The following ATF2 variants were observed in gnomAD, a reference collection of about 807,000 sequenced individuals.
ATF2 encodes cyclic AMP-dependent transcription factor ATF-2.
Under a neutral mutation model 60.6 loss-of-function variants are expected in ATF2, and 24 were observed. That is an observed-to-expected ratio of 0.40 (90% CI 0.29 to 0.56). The LOEUF (loss-of-function observed/expected upper bound fraction) is 0.56, where lower values mean the gene tolerates loss of function less well. Ranked by LOEUF, ATF2 falls within the 20% of genes least tolerant of loss-of-function variation. The pLI is 0.54. For synonymous variants in ATF2, 206 were observed against 215.4 expected (o/e 0.96, Z 0.38); for missense variants, 433 against 607.7 (o/e 0.71, Z 3.02).
chr2:175,078,407 A>G (rs1002628740), intron 13 of ATF2, among the ~76,000 whole-genome samples: 3 of 152,222 alleles, frequency 2.0e-5, no homozygotes, highest in African/African-American at 7.2e-5. Flanking sequence ...ATTCATGGCA[A>G]TAAGATCACT....
chr2:175,083,386 A>C (rs1357090632), intron 12 of ATF2, among the ~76,000 whole-genome samples: 2 of 152,212 alleles, frequency 1.3e-5, no homozygotes, highest in Non-Finnish European at 1.5e-5. Context: ...GAGAAAAACA[A>C]GCAATGGGGA....
chr2:175,135,104 G>T (rs944043239), intron 3 of ATF2, among the ~76,000 whole-genome samples: 52 of 151,776 alleles, frequency 3.4e-4, no homozygotes, highest in African/African-American at 1.3e-3. Context: ...GCATGGAGAA[G>T]GGGGAGGAGG....
At position 175,118,301 on chromosome 2, in the gene ATF2, T is replaced by C; in HGVS notation, c.268A>G (p.Ser90Gly). The change falls in exon 6 of 14, where the codon AGT becomes GGT. Residue 90 changes from serine (S) to glycine (G), a missense_variant. Coordinates refer to ENST00000264110, the MANE Select transcript of ATF2 (RefSeq NM_001880.4). ...TTCTTGAATTCATTCTCAAATGGAC[T>C]CGCCAACTCATTAAACAAACCCACT... is the stretch of plus-strand genomic sequence containing the variant. Reference protein sequence around the residue: ...EEVGLFNELASPFENEFKKAS... With the variant: ...EEVGLFNELAGPFENEFKKAS... The C allele has an allele frequency of 6.2e-7, 1 of 1,611,166 alleles. No individual in the cohort carries two copies. The highest frequency in any genetic ancestry group is 8.5e-7 in the Non-Finnish European group (1 of 1,178,490).
intron 11 of ATF2, among the ~76,000 whole-genome samples, chr2:175,096,278 T>C (rs1024452646): frequency 2.0e-5 from 3 of 152,182 alleles, no homozygotes; most frequent in Non-Finnish European, 4.4e-5. Flanking sequence ...AATCATCTCA[T>C]AGGCAGTCAC....
At chr2:175,130,230 TTAGAG>T in intron 3 of ATF2, 23 bp from the exon 4 acceptor site, 1 of 1,392,986 alleles carries the variant, frequency 7.2e-7, no homozygotes, top group Non-Finnish European at 9.7e-7. Flanking sequence ...AGAAGACACT[TTAGAG>T]TACATATTTT....
Position 175,076,162 on chromosome 2 carries a change from AT to A in ATF2, c.1292-1328del, listed in dbSNP as rs1213154521. 2.0e-5 allele frequency among the ~76,000 whole-genome samples: 3 copies of A among 152,158 alleles called. No homozygotes were observed. In the South Asian group the frequency reaches 6.2e-4, roughly 32 times the overall value. On this transcript the variant is annotated intron_variant, in intron 13 of 13. Transcript: ENST00000264110. Reference sequence around the variant, plus strand: ...AACTTTAGCTAAAATAAAATTATTAATTTTGTGCATTTTCTGAAATATAGTT... The same window carrying A: ...AACTTTAGCTAAAATAAAATTATTAATTTGTGCATTTTCTGAAATATAGTT...
At chr2:175,155,482 G>A (rs377118958) in intron 1 of ATF2, among the ~76,000 whole-genome samples, 1 of 152,190 alleles carries the variant, frequency 6.6e-6, no homozygotes, top group East Asian at 1.9e-4. Flanking sequence ...TGTATAGTGT[G>A]ATGACAGAAA....
chr2:175,159,618 A>C (rs935691314), intron 1 of ATF2, among the ~76,000 whole-genome samples: 1 of 152,248 alleles, frequency 6.6e-6, no homozygotes. Flanking sequence ...TATTATGAGT[A>C]TGTGAAGAGT....
In ATF2 at chr2:175,073,815, A is replaced by G. The variant is rs1333018931; in HGVS notation, c.*794T>C. On this transcript the variant is annotated 3_prime_UTR_variant, in exon 14 of 14. Coordinates refer to ENST00000264110, the MANE Select transcript of ATF2 (RefSeq NM_001880.4). ...AAGAGCTAATTTCAAAAATTATTAG[A>G]TATTTGATAACCCTGTATCATACAT... 2.0e-5 allele frequency: 3 copies of G among 152,164 alleles called. No individual in the cohort carries two copies. The highest frequency in any genetic ancestry group is 2.9e-5 in the Non-Finnish European group (2 of 68,030). 9.4% of individuals were successfully genotyped at this position (152,164 alleles called of 1,614,324 possible).
intron 12 of ATF2, among the ~76,000 whole-genome samples, chr2:175,081,878 C>T (rs763313954): frequency 3.9e-5 from 6 of 152,142 alleles, no homozygotes; most frequent in Non-Finnish European, 8.8e-5. Context: ...TGGTGAAACC[C>T]TGTCTCTACA....
intron 2 of ATF2, among the ~76,000 whole-genome samples, chr2:175,138,025 G>T (rs1259294595): frequency 6.6e-6 from 1 of 152,160 alleles, no homozygotes; most frequent in African/African-American, 2.4e-5. Flanking sequence ...AGCCTGGAAG[G>T]GAGGTTTTGC....
intron 7 of ATF2, among the ~76,000 whole-genome samples, chr2:175,116,308 C>A (rs993425343): frequency 2.0e-5 from 3 of 151,546 alleles, no homozygotes; most frequent in Non-Finnish European, 4.4e-5. Context: ...AGATTCAGGT[C>A]TGATAAAATA....
intron 10 of ATF2, among the ~76,000 whole-genome samples, chr2:175,103,768 G>C (rs942110786): frequency 6.6e-6 from 1 of 150,980 alleles, no homozygotes; most frequent in African/African-American, 2.4e-5. Flanking sequence ...TTCTTATTCA[G>C]AAGAGCTGCT....
Position 175,114,702 on chromosome 2 carries a change from T to A in ATF2, c.614A>T (p.Asn205Ile), listed in dbSNP as rs750958087. 4.3e-6 allele frequency: 7 copies of A among 1,613,600 alleles called. No individual in the cohort carries two copies. Among genetic ancestry groups the A allele is most frequent in the Non-Finnish European group, 5.9e-6 (7 of 1,179,632 alleles). ...CTGAATCACTTACACAATTGGCCTG[T>A]TAGAGGATGGTGCCTGGGTGATTAC... is the stretch of plus-strand genomic sequence containing the variant. ...STVITQAPSS[N>I]RPIVPVPGPF... Residue 205 changes from asparagine (N) to isoleucine (I), a missense_variant, in exon 8 of 14, where the codon AAC becomes ATC. Transcript: ENST00000264110.
chr2:175,161,806 G>A (rs1289135893), intron 1 of ATF2, among the ~76,000 whole-genome samples: 1 of 150,640 alleles, frequency 6.6e-6, no homozygotes, highest in East Asian at 1.9e-4. Flanking sequence ...TGTTGCCCAG[G>A]ATAGAGTGCA....
Position 175,118,115 on chromosome 2 carries a change from G to A in ATF2, c.322C>T (p.Pro108Ser). ...KASEDDIKKM[P>S]LDLSPLATPI... ...GTTGCAAGAGGGGATAAATCTAGAG[G>A]CATCTATAATTCAAATAATAAGGAA... The change falls in exon 7 of 14, where the codon CCT becomes TCT. Residue 108 changes from proline (P) to serine (S), a missense_variant. This residue lies in a region of ATF2 where 246 missense variants were observed against 309.3 expected (regional missense o/e 0.80). Coordinates refer to ENST00000264110, the MANE Select transcript of ATF2 (RefSeq NM_001880.4). The A allele has an allele frequency of 6.2e-7, 1 of 1,609,000 alleles. No homozygotes were observed. Among genetic ancestry groups the A allele is most frequent in the Non-Finnish European group, 8.5e-7 (1 of 1,177,816 alleles).
In ATF2 at chr2:175,142,714, AGAGAGAGTGTGTGT is replaced by A. The variant is rs71031090; in HGVS notation, c.-43-6242_-43-6229del. ...GAGAGAGAGAGAGAGAGAGAGAGAGAGAGAGAGTGTGTGTGTGTGTGTGTGTGTGTGTGTGTGAT... is the reference window on the plus strand; with the variant it reads ...GAGAGAGAGAGAGAGAGAGAGAGAGAGTGTGTGTGTGTGTGTGTGTGTGAT... On this transcript the variant is annotated intron_variant, in intron 2 of 13. Coordinates refer to ENST00000264110, the MANE Select transcript of ATF2 (RefSeq NM_001880.4). Among the ~76,000 whole-genome samples, 171 of 124,780 alleles carry A rather than the reference AGAGAGAGTGTGTGT, an allele frequency of 1.4e-3. 1 individual carries two copies. Among genetic ancestry groups the A allele is most frequent in the South Asian group, 0.012 (45 of 3,636 alleles). The allele number at this position is 124,780 out of a possible 152,430, so 81.9% of individuals were successfully genotyped here.
chr2:175,130,211 T>C lies in ATF2; in HGVS notation c.33-4A>G, dbSNP rs749102462. 1 of 1,552,832 alleles carries C rather than the reference T, an allele frequency of 6.4e-7. No homozygotes were observed. The highest frequency in any genetic ancestry group is 8.7e-7 in the Non-Finnish European group (1 of 1,146,756). On this transcript the variant is annotated splice_polypyrimidine_tract_variant and splice_region_variant and intron_variant, in intron 3 of 13. Coordinates refer to ENST00000264110, the MANE Select transcript of ATF2 (RefSeq NM_001880.4). ...ATTCCACAGGTCCTTGTATTGCCTA[T>C]AATCAAACAGAAGACACTTTAGAGT... is the stretch of plus-strand genomic sequence containing the variant.
At chr2:175,128,252 G>T (rs1050238726) in intron 4 of ATF2, among the ~76,000 whole-genome samples, 3 of 152,180 alleles carry the variant, frequency 2.0e-5, no homozygotes, top group African/African-American at 4.8e-5. Flanking sequence ...TATCATCTCA[G>T]CACTTTGGGA....
Sources: gnomAD v4.1 joint callset for allele counts (sites outside exome capture counted in the v4.1 genomes callset) on GRCh38, gnomAD v4.1.1 for gene constraint, gnomAD v4.1.1 regional missense constraint, MANE v1.5 for transcripts, NCBI Gene and HGNC (gene_info 2026-07-23, HGNC 2026-07-21) for gene names.